The following PLCD4 variants were observed in gnomAD, a reference collection of about 807,000 sequenced individuals.
PLCD4 encodes the protein phospholipase C delta 4.
PLCD4 carries 63 observed loss-of-function variants against 90.2 expected under a neutral mutation model. The ratio of observed to expected loss-of-function variants is 0.70; its 90% CI spans 0.57 to 0.86. PLCD4 has a LOEUF of 0.86. Among genes scored for constraint, PLCD4 ranks in the 40% least tolerant of loss-of-function variants. PLCD4 has a pLI of 0.00. For synonymous variants in PLCD4, 294 were observed against 356.5 expected, an observed-to-expected ratio of 0.82 and a Z score of 1.97; for missense variants, 830 against 956.3, an observed-to-expected ratio of 0.87 and a Z score of 1.74.
In PLCD4 at chr2:218,618,821, G is replaced by A. The variant is rs1199781644; in HGVS notation, c.410+14G>A. 6.4e-7 allele frequency: 1 copy of A among 1,566,762 alleles called. No homozygotes were observed. The highest frequency in any genetic ancestry group is 8.7e-7 in the Non-Finnish European group (1 of 1,154,930). The stretch of plus-strand genomic sequence containing the variant: ...GCGCCTGGACCAGTATCGGCAGGAT[G>A]GAGTCAGGGTGGGGGTGAGGGATCA... On this transcript the variant is annotated intron_variant, in intron 4 of 15. Coordinates refer to ENST00000450993, the MANE Select transcript of PLCD4 (RefSeq NM_032726.4).
chr2:218,613,161 C>T (rs989941502), intron 1 of PLCD4, among the ~76,000 whole-genome samples: 7 of 151,908 alleles, frequency 4.6e-5, no homozygotes, highest in Admixed American at 1.3e-4. Context: ...GAGGTCGAGG[C>T]GGGTGGATCA....
intron 5 of PLCD4, 130 bp downstream of exon 5, chr2:218,621,729 T>C: frequency 8.5e-7 from 1 of 1,173,670 alleles, no homozygotes; most frequent in South Asian, 1.4e-5. Context: ...CTAGGCTCAA[T>C]GCCCTAGGCT....
At chr2:218,616,927 T>TATATAGAG (rs1553571947) in intron 3 of PLCD4, among the ~76,000 whole-genome samples, 3 of 13,764 alleles carry the variant, frequency 2.2e-4, no homozygotes, top group African/African-American at 2.9e-4. Flanking sequence ...TATATATATA[T>TATATAGAG]AGAGAGAGAG....
chr2:218,616,610 GGGA>G (rs1695587414), intron 3 of PLCD4, among the ~76,000 whole-genome samples: 1 of 151,628 alleles, frequency 6.6e-6, no homozygotes, highest in African/African-American at 2.4e-5. Flanking sequence ...TCAGCTATTT[GGGA>G]GGCTAAGATG....
At chr2:218,630,870 C>T in intron 9 of PLCD4, 68 bp downstream of exon 9, 1 of 1,458,158 alleles carries the variant, frequency 6.9e-7, no homozygotes, top group Non-Finnish European at 9.2e-7. Flanking sequence ...GGGCTCCTTC[C>T]TCTATGCCCC....
intron 1 of PLCD4, chr2:218,609,531 C>A (rs1055115831): frequency 1.2e-4 from 18 of 152,194 alleles, no homozygotes; most frequent in African/African-American, 4.3e-4. Flanking sequence ...TAAGACCAAC[C>A]TTTCTTATTA....
intron 3 of PLCD4, among the ~76,000 whole-genome samples, chr2:218,616,591 C>T (rs1333011038): frequency 6.6e-6 from 1 of 151,674 alleles, no homozygotes; most frequent in African/African-American, 2.4e-5. Context: ...GTGCTGTACG[C>T]CTGTGGTCTC....
intron 14 of PLCD4, 124 bp from the exon 15 acceptor site, chr2:218,636,119 T>G (rs879735198): frequency 7.2e-7 from 1 of 1,388,768 alleles, no homozygotes; most frequent in African/African-American, 1.4e-5. Context: ...TTGCTTACTC[T>G]GAGCCTTTTT....
At chr2:218,618,340 G>A (rs1371646573) in intron 3 of PLCD4, among the ~76,000 whole-genome samples, 1 of 152,178 alleles carries the variant, frequency 6.6e-6, no homozygotes, top group Admixed American at 6.6e-5. Context: ...GCCATGTCTT[G>A]CCACTTCCAG....
At chr2:218,612,154 C>T (rs1437943294) in intron 1 of PLCD4, among the ~76,000 whole-genome samples, 6 of 147,496 alleles carry the variant, frequency 4.1e-5, no homozygotes, top group South Asian at 2.2e-4. Context: ...GTGATCCACC[C>T]GCCTCGGCCT....
chr2:218,628,471 C>G (rs552183609), intron 7 of PLCD4: 2 of 461,132 alleles, frequency 4.3e-6, no homozygotes, highest in Non-Finnish European at 7.8e-6. Context: ...CTCAGAGGCC[C>G]TGACAGATTT....
chr2:218,635,894 C>T lies in PLCD4; in HGVS notation c.1995C>T (p.Asp665=), dbSNP rs550566093. The part of the protein sequence containing the change: ...VKVQIFGVRL[D]TARQETNYVE... Reference sequence around the variant, plus strand: ...TGCAGATCTTTGGCGTTCGTCTAGACACAGCACGGCAGGAGACCAACTATG... The same window carrying T: ...TGCAGATCTTTGGCGTTCGTCTAGATACAGCACGGCAGGAGACCAACTATG... Residue 665 remains aspartate, a synonymous_variant, in exon 14 of 16, where the codon GAC becomes GAT. Coordinates refer to ENST00000450993, the MANE Select transcript of PLCD4 (RefSeq NM_032726.4). 3.7e-6 allele frequency: 6 copies of T among 1,614,008 alleles called. No individual in the cohort carries two copies. Among genetic ancestry groups the T allele is most frequent in the South Asian group, 1.1e-5 (1 of 91,082 alleles).
chr2:218,636,384 T>C lies in PLCD4; in HGVS notation c.2174T>C (p.Met725Thr), dbSNP rs1696750192. The change falls in exon 15 of 16, where the codon ATG becomes ACG. Residue 725 changes from methionine to threonine, a missense_variant. Physicochemically the swap from Met to Thr is moderately conservative, Grantham distance 81. Coordinates refer to ENST00000450993, the MANE Select transcript of PLCD4 (RefSeq NM_032726.4). ...IGQYTLPWTCMQQGYRHIHLL... is the reference protein window; with the variant it reads ...IGQYTLPWTCTQQGYRHIHLL... Reference sequence around the variant, plus strand: ...CAGTACACCCTGCCTTGGACCTGCATGCAACAAGGTGAGCCAGCCCCTTTG... The same window carrying C: ...CAGTACACCCTGCCTTGGACCTGCACGCAACAAGGTGAGCCAGCCCCTTTG... 3 of 1,614,024 alleles carry C rather than the reference T, an allele frequency of 1.9e-6. No individual in the cohort carries two copies. Among genetic ancestry groups the C allele is most frequent in the African/African-American group, 1.3e-5 (1 of 75,054 alleles).
At chr2:218,624,207 T>A (rs1424151296) in intron 6 of PLCD4, among the ~76,000 whole-genome samples, 1 of 152,218 alleles carries the variant, frequency 6.6e-6, no homozygotes, top group Non-Finnish European at 1.5e-5. Context: ...GGACAAGTGA[T>A]CAAGGTATTC....
chr2:218,613,683 C>A (rs930302015), intron 1 of PLCD4, among the ~76,000 whole-genome samples: 4 of 152,134 alleles, frequency 2.6e-5, no homozygotes, highest in African/African-American at 9.7e-5. Context: ...CCCACCTCAG[C>A]CTCCCAAGTA....
chr2:218,633,252 CCT>C (rs528322378), intron 10 of PLCD4: 1 of 610,810 alleles, frequency 1.6e-6, no homozygotes, highest in South Asian at 2.0e-5. Context: ...GAGGATAATG[CCT>C]CTCTGTTTAA....
At chr2:218,623,911 G>A (rs545339432) in intron 6 of PLCD4, among the ~76,000 whole-genome samples, 1 of 152,298 alleles carries the variant, frequency 6.6e-6, no homozygotes, top group Non-Finnish European at 1.5e-5. Flanking sequence ...TCGAACTCCC[G>A]ACCTCAGGTG....
At chr2:218,633,327 G>C in intron 10 of PLCD4, 1 of 702,198 alleles carries the variant, frequency 1.4e-6, no homozygotes, top group Non-Finnish European at 2.6e-6. Flanking sequence ...CAAGCCCAGA[G>C]GTTGACACTG....
chr2:218,621,718 GCTAGGCTCAATGCC>G lies in PLCD4; in HGVS notation c.540+132_540+145del, dbSNP rs376175707. The G allele has an allele frequency of 2.5e-3, 3,213 of 1,305,160 alleles. 57 individuals carry two copies. In the African/African-American group the frequency reaches 0.041, roughly 17 times the overall value. 80.8% of individuals were successfully genotyped at this position (1,305,160 alleles called of 1,614,324 possible). ...TAAATCTCTGCTATGTGCCCTAAGT[GCTAGGCTCAATGCC>G]CTAGGCTCAATGGGAAGTATAGGGG... is the stretch of plus-strand genomic sequence containing the variant. On this transcript the variant is annotated intron_variant, in intron 5 of 15. Coordinates refer to ENST00000450993, the MANE Select transcript of PLCD4 (RefSeq NM_032726.4).
Sources: allele counts gnomAD v4.1 joint callset (sites outside exome capture counted in the v4.1 genomes callset), GRCh38; gene constraint gnomAD v4.1.1; transcripts MANE v1.5; gene names NCBI Gene and HGNC (gene_info 2026-07-23, HGNC 2026-07-21).